The following EIF4E2 variants were observed in gnomAD, a reference collection of about 807,000 sequenced individuals.
EIF4E2 encodes the protein eukaryotic translation initiation factor 4E family member 2.
A neutral mutation model predicts 34.2 loss-of-function variants in EIF4E2; 13 were observed. That is an observed-to-expected ratio of 0.38 (90% CI 0.25 to 0.60). The LOEUF (loss-of-function observed/expected upper bound fraction) is 0.60, where lower values mean the gene tolerates loss of function less well. EIF4E2 is among the 20% of genes least tolerant of loss of function. The pLI is 0.62. For missense variants in EIF4E2, 222 were observed against 315.1 expected (o/e 0.70, Z 2.24); for synonymous variants, 100 against 106.6 (o/e 0.94, Z 0.38).
intron 6 of EIF4E2, 98 bp downstream of exon 6, chr2:232,567,312 T>C (rs1692970460): frequency 3.2e-6 from 5 of 1,567,112 alleles, no homozygotes; most frequent in South Asian, 2.4e-5. Context: ...GGAGACTTAC[T>C]TGTGGAGAAG....
At position 232,569,098 on chromosome 2, in the gene EIF4E2, A is replaced by G. The variant is rs1693030145; in HGVS notation, c.*81A>G. 3 of 1,574,536 alleles carry G rather than the reference A, an allele frequency of 1.9e-6. No individual in the cohort carries two copies. The highest frequency in any genetic ancestry group is 1.3e-5 in the African/African-American group (1 of 74,448). Reference sequence around the variant, plus strand: ...GTTCTGTTGGCGTGCTACCTGGAAGATCCTTCTGTCCTGGACAAGAGGAAT... The same window carrying G: ...GTTCTGTTGGCGTGCTACCTGGAAGGTCCTTCTGTCCTGGACAAGAGGAAT... On this transcript the variant is annotated 3_prime_UTR_variant, in exon 7 of 7. Coordinates refer to ENST00000258416, the MANE Select transcript of EIF4E2 (RefSeq NM_004846.4).
chr2:232,567,677 G>A (rs773167389), intron 6 of EIF4E2: 85 of 1,014,524 alleles, frequency 8.4e-5, no homozygotes, highest in Non-Finnish European at 1.0e-4. Context: ...ATTTCCTTGT[G>A]TATAGAGCTG....
At chr2:232,561,895 G>A (rs1290344536) in intron 3 of EIF4E2, among the ~76,000 whole-genome samples, 3 of 151,498 alleles carry the variant, frequency 2.0e-5, no homozygotes. Flanking sequence ...GTTTCAATTA[G>A]AACTGTCAAA....
chr2:232,569,169 TACA>T lies in EIF4E2; in HGVS notation c.*159_*161del, dbSNP rs1693032644. 9.6e-6 allele frequency: 14 copies of T among 1,456,040 alleles called. 1 individual carries two copies. Among genetic ancestry groups the T allele is most frequent in the African/African-American group, 1.4e-5 (1 of 70,472 alleles). The allele number at this position is 1,456,040 out of a possible 1,614,324, so 90.2% of individuals were successfully genotyped here. On this transcript the variant is annotated 3_prime_UTR_variant, in exon 7 of 7. Coordinates refer to ENST00000258416, the MANE Select transcript of EIF4E2 (RefSeq NM_004846.4). ...TAAGAACAGGCTGACACGCAGCAGC[TACA>T]ACAACAGCTGAGATCACTTAATAAA...
chr2:232,580,857 T>C lies in EIF4E2; in HGVS notation c.666-47T>C, dbSNP rs752310282. 1.2e-4 allele frequency: 174 copies of C among 1,497,838 alleles called. No homozygotes were observed. The South Asian group carries it at 2.0e-3, about 17-fold the overall frequency. 92.8% of individuals were successfully genotyped at this position (1,497,838 alleles called of 1,614,324 possible). A position where few individuals can be genotyped will look rare whatever the true frequency, so the allele number is the denominator to read the frequency against. On this transcript the variant is annotated intron_variant, in intron 6 of 6. Transcript: ENST00000409098. Reference sequence around the variant, plus strand: ...CTGTATATGTGTGCTTCTGTATAGATGATCCTTGTATTGAACACTCTATTT... The same window carrying C: ...CTGTATATGTGTGCTTCTGTATAGACGATCCTTGTATTGAACACTCTATTT...
chr2:232,573,261 A>G (rs1214746750), downstream of EIF4E2, among the ~76,000 whole-genome samples: 3 of 152,230 alleles, frequency 2.0e-5, no homozygotes, highest in South Asian at 2.1e-4. Flanking sequence ...CTAAGAGGTA[A>G]ATGGTTAACT....
At chr2:232,554,814 G>A (rs1021973467) in intron 1 of EIF4E2, among the ~76,000 whole-genome samples, 1 of 152,096 alleles carries the variant, frequency 6.6e-6, no homozygotes, top group African/African-American at 2.4e-5. Context: ...CTTGCATGGG[G>A]CCCATATGGC....
At chr2:232,571,943 C>T (rs1194523707), downstream of EIF4E2, among the ~76,000 whole-genome samples, 2 of 152,170 alleles carry the variant, frequency 1.3e-5, no homozygotes, top group African/African-American at 4.8e-5. Flanking sequence ...AACCTTGCAG[C>T]CTTTGGGTAG....
chr2:232,567,935 C>A lies in EIF4E2; in HGVS notation c.665+721C>A, dbSNP rs376807085. The A allele has an allele frequency of 4.7e-5, 46 of 983,650 alleles. 1 individual carries two copies. In the African/African-American group the frequency reaches 7.2e-4, roughly 15 times the overall value. 60.9% of individuals were successfully genotyped at this position (983,650 alleles called of 1,614,324 possible). On this transcript the variant is annotated intron_variant, in intron 6 of 6. Transcript: ENST00000258416. ...CAAAGCTGGAGGGAGAGCTAGCCAG[C>A]TAAGAGTTAGGACTCTTAGGTTTAG... is the stretch of plus-strand genomic sequence containing the variant.
chr2:232,572,030 C>T (rs888534633), downstream of EIF4E2, among the ~76,000 whole-genome samples: 1 of 152,164 alleles, frequency 6.6e-6, no homozygotes, highest in Non-Finnish European at 1.5e-5. Flanking sequence ...CTTAAAAGAG[C>T]TCTTTGTTCC....
In EIF4E2 at chr2:232,567,250, A is replaced by T. The variant is rs761693577; in HGVS notation, c.665+36A>T. ...GGGGGTTATGGGAGGACGTGTCCCTAAGCTTAGTATAAGTAGATCTGTAGT... is the reference window on the plus strand; with the variant it reads ...GGGGGTTATGGGAGGACGTGTCCCTTAGCTTAGTATAAGTAGATCTGTAGT... On this transcript the variant is annotated intron_variant, in intron 6 of 6. Transcript: ENST00000258416. 4.3e-6 allele frequency: 7 copies of T among 1,612,874 alleles called. No homozygotes were observed. The Admixed American group carries it at 1.2e-4, about 27-fold the overall frequency.
intron 5 of EIF4E2, 30 bp from the exon 6 acceptor site, chr2:232,567,048 C>A: frequency 1.2e-6 from 2 of 1,607,562 alleles, no homozygotes; most frequent in Non-Finnish European, 1.7e-6. Flanking sequence ...CCCTGATTTG[C>A]TTTGATGATT....
At position 232,567,132 on chromosome 2, in the gene EIF4E2, C is replaced by A; in HGVS notation, c.583C>A (p.Arg195=). Residue 195 remains arginine (R), a synonymous_variant, in exon 6 of 7, where the codon CGA becomes AGA. Coordinates refer to ENST00000258416, the MANE Select transcript of EIF4E2 (RefSeq NM_004846.4). ...KTASDQATTA[R]IRDTLRRVLN... Reference sequence around the variant, plus strand: ...TGCCAGTGACCAAGCAACCACAGCCCGAATCCGGGACACACTTCGGCGAGT... The same window carrying A: ...TGCCAGTGACCAAGCAACCACAGCCAGAATCCGGGACACACTTCGGCGAGT... 6.2e-7 allele frequency: 1 copy of A among 1,614,122 alleles called. No individual in the cohort carries two copies. Among genetic ancestry groups the A allele is most frequent in the Non-Finnish European group, 8.5e-7 (1 of 1,180,024 alleles).
Position 232,581,120 on chromosome 2 carries a change from C to A in EIF4E2, c.*177C>A. On this transcript the variant is annotated 3_prime_UTR_variant, in exon 7 of 7. Coordinates refer to the EIF4E2 transcript ENST00000409098. The surrounding 1 kb of genome is among the most constrained non-coding windows in gnomAD (Gnocchi z 5.2). ...GCTAGACACCCTCCAGCATCGCTGA[C>A]TTTATAAAGCGGAAAAACGGAAAAC... 1 of 738,350 alleles carries A rather than the reference C, an allele frequency of 1.4e-6. No homozygotes were observed. Among genetic ancestry groups the A allele is most frequent in the Non-Finnish European group, 2.5e-6 (1 of 406,796 alleles). 45.7% of individuals were successfully genotyped at this position (738,350 alleles called of 1,614,324 possible).
chr2:232,560,330 A>G (rs1559315535), intron 3 of EIF4E2, among the ~76,000 whole-genome samples: 1 of 152,250 alleles, frequency 6.6e-6, no homozygotes, highest in Non-Finnish European at 1.5e-5. Context: ...CCTTCCTGAC[A>G]CCATACACAA....
At chr2:232,578,545 C>T (rs915013159) in intron 6 of EIF4E2, among the ~76,000 whole-genome samples, 1 of 151,552 alleles carries the variant, frequency 6.6e-6, no homozygotes, top group Non-Finnish European at 1.5e-5. Flanking sequence ...GCAGGAGAAT[C>T]GCTTGAACCC....
chr2:232,564,098 C>T (rs1692827072), intron 3 of EIF4E2, 149 bp from the exon 4 acceptor site: 1 of 459,024 alleles, frequency 2.2e-6, no homozygotes, highest in Non-Finnish European at 3.9e-6. Flanking sequence ...TCCCTCACAA[C>T]ACCACACATG....
intron 1 of EIF4E2, 137 bp downstream of exon 1, chr2:232,550,881 G>A: frequency 2.3e-6 from 2 of 881,388 alleles, no homozygotes; most frequent in Non-Finnish European, 1.7e-6. Context: ...GACCTGGCCT[G>A]GACTGGCGGG....
Position 232,566,165 on chromosome 2 carries a change from T to C in EIF4E2, c.376-664T>C, listed in dbSNP as rs1455070840. ...TGGTATGTAGTGACAGTCAGTACTT[T>C]TTTTTGTCGTCGTTGTTGTTTTGTT... On this transcript the variant is annotated intron_variant, in intron 4 of 6. Transcript: ENST00000258416. The surrounding 1 kb of genome is among the most constrained non-coding windows in gnomAD (Gnocchi z 4.9). Among the ~76,000 whole-genome samples, 2 of 152,148 alleles carry C rather than the reference T, an allele frequency of 1.3e-5. No homozygotes were observed. The highest frequency in any genetic ancestry group is 2.9e-5 in the Non-Finnish European group (2 of 68,012).
Sources: allele counts gnomAD v4.1 joint callset (sites outside exome capture counted in the v4.1 genomes callset), GRCh38; gene constraint gnomAD v4.1.1; non-coding constraint Gnocchi (gnomAD v3.1); transcripts MANE v1.5; gene names NCBI Gene and HGNC (gene_info 2026-07-23, HGNC 2026-07-21).